ABCG2: variants seen among roughly 807,000 people sequenced by gnomAD.
The protein encoded by ABCG2 is ATP binding cassette subfamily G member 2 (JR blood group), also known as broad substrate specificity ATP-binding cassette transporter ABCG2.
A neutral mutation model predicts 73.5 loss-of-function variants in ABCG2; 80 were observed. The ratio of observed to expected loss-of-function variants is 1.09; its 90% CI spans 0.91 to 1.31. The LOEUF (loss-of-function observed/expected upper bound fraction) is 1.31. Ranked by LOEUF, ABCG2 falls within the 50% of genes most tolerant of loss-of-function variation. The pLI is 0.00. For synonymous variants in ABCG2, 269 were observed against 282.4 expected, an observed-to-expected ratio of 0.95 and a Z score of 0.48; for missense variants, 796 against 786.2, an observed-to-expected ratio of 1.01 and a Z score of -0.15.
intron 1 of ABCG2, among the ~76,000 whole-genome samples, chr4:88,167,348 T>G: frequency 6.6e-6 from 1 of 151,002 alleles, no homozygotes; most frequent in Middle Eastern, 3.5e-3. Flanking sequence ...TCTCAAACTT[T>G]GAACCCAACT....
intron 1 of ABCG2, among the ~76,000 whole-genome samples, chr4:88,221,230 C>A (rs1172594369): frequency 2.9e-5 from 4 of 140,258 alleles, no homozygotes; most frequent in Admixed American, 7.5e-5. Context: ...GATCATGCCA[C>A]TGCACTCCGG....
chr4:88,104,499 G>C (rs2109990173), intron 10 of ABCG2, among the ~76,000 whole-genome samples: 1 of 152,074 alleles, frequency 6.6e-6, no homozygotes, highest in South Asian at 2.1e-4. Context: ...AATGATACTG[G>C]GGTCAACGAG....
At chr4:88,127,324 C>T (rs893204604) in intron 5 of ABCG2, among the ~76,000 whole-genome samples, 4 of 152,220 alleles carry the variant, frequency 2.6e-5, no homozygotes, top group African/African-American at 4.8e-5. Context: ...GAATCAATAT[C>T]ATGAGAATGG....
Position 88,184,974 on chromosome 4 carries a change from G to T in ABCG2, c.-19-44960C>A, listed in dbSNP as rs368973431. 7.9e-5 allele frequency among the ~76,000 whole-genome samples: 12 copies of T among 152,160 alleles called. No individual in the cohort carries two copies. In the East Asian group the frequency reaches 1.7e-3, roughly 22 times the overall value. On this transcript the variant is annotated intron_variant, in intron 1 of 15. Coordinates refer to the ABCG2 transcript ENST00000515655. Reference sequence around the variant, plus strand: ...GAATATCTCTTCAATAAATGATGCTGGGAAAACTGGGTATCCATATTCAGA... The same window carrying T: ...GAATATCTCTTCAATAAATGATGCTTGGAAAACTGGGTATCCATATTCAGA...
At chr4:88,115,676 G>T (rs1244117207) in intron 7 of ABCG2, among the ~76,000 whole-genome samples, 1 of 150,500 alleles carries the variant, frequency 6.6e-6, no homozygotes, top group Admixed American at 6.7e-5. Flanking sequence ...CCTTGGATTT[G>T]CAGGGCATTT....
rs1723268771 is a variant in ABCG2 at position 88,113,318 on chromosome 4, C to T, written c.1179G>A (p.Gln393=). ...RSFKNLLGNP[Q]ASIAQIIVTV... ...TGCTGGTTACCTGAGCTATAGAGGCCTGGGGATTACCCAGCAAGTTTTTGA... is the reference window on the plus strand; with the variant it reads ...TGCTGGTTACCTGAGCTATAGAGGCTTGGGGATTACCCAGCAAGTTTTTGA... The change falls in exon 9 of 16, where the codon CAG becomes CAA. Residue 393 remains glutamine (Q), a synonymous_variant. Transcript: ENST00000237612. The T allele has an allele frequency of 1.9e-6, 3 of 1,614,074 alleles. No individual in the cohort carries two copies. The highest frequency in any genetic ancestry group is 2.5e-6 in the Non-Finnish European group (3 of 1,179,992).
intron 6 of ABCG2, among the ~76,000 whole-genome samples, chr4:88,121,336 T>C (rs1031383632): frequency 6.6e-6 from 1 of 152,182 alleles, no homozygotes; most frequent in Admixed American, 6.5e-5. Flanking sequence ...TTCAGTGTTA[T>C]AGAGCAGAGA....
chr4:88,226,091 C>T (rs1264377028), intron 1 of ABCG2, among the ~76,000 whole-genome samples: 2 of 152,298 alleles, frequency 1.3e-5, no homozygotes, highest in Middle Eastern at 3.4e-3. Context: ...CAAACCATAT[C>T]ACTTAGTTTA....
chr4:88,163,132 T>C (rs1401472702), upstream of ABCG2, among the ~76,000 whole-genome samples: 3 of 152,192 alleles, frequency 2.0e-5, no homozygotes, highest in African/African-American at 7.2e-5. Flanking sequence ...TCTATTTTCA[T>C]TACCACTCCA....
At chr4:88,143,579 A>T (rs1331237885) in intron 1 of ABCG2, among the ~76,000 whole-genome samples, 1 of 152,158 alleles carries the variant, frequency 6.6e-6, no homozygotes, top group Admixed American at 6.5e-5. Context: ...ATACAATCAC[A>T]ATCTTAGAAG....
intron 1 of ABCG2, among the ~76,000 whole-genome samples, chr4:88,225,882 G>T (rs1222956912): frequency 6.6e-6 from 1 of 152,190 alleles, no homozygotes; most frequent in Non-Finnish European, 1.5e-5. Context: ...CATGGTGACA[G>T]GGAAGACAGA....
chr4:88,145,094 T>C (rs1209476777), intron 1 of ABCG2, among the ~76,000 whole-genome samples: 1 of 149,190 alleles, frequency 6.7e-6, no homozygotes, highest in East Asian at 1.9e-4. Flanking sequence ...CTACTCTTCC[T>C]TTTTTTTTTC....
At chr4:88,204,401 C>G (rs1030589120) in intron 1 of ABCG2, among the ~76,000 whole-genome samples, 3 of 152,128 alleles carry the variant, frequency 2.0e-5, no homozygotes, top group Non-Finnish European at 4.4e-5. Context: ...AGCCTGGTGA[C>G]AGAGCAAGAC....
intron 12 of ABCG2, among the ~76,000 whole-genome samples, chr4:88,098,584 T>C (rs1355780820): frequency 6.7e-6 from 1 of 150,184 alleles, no homozygotes; most frequent in African/African-American, 2.5e-5. Flanking sequence ...TATTTAATCA[T>C]TCTATATATC....
chr4:88,199,671 C>T (rs1041354268), intron 1 of ABCG2, among the ~76,000 whole-genome samples: 6 of 152,194 alleles, frequency 3.9e-5, no homozygotes, highest in Admixed American at 2.6e-4. Flanking sequence ...GTTGTCAGTA[C>T]ATTTGTCTTG....
intron 1 of ABCG2, chr4:88,226,800 A>C (rs1730233257): frequency 6.6e-6 from 1 of 152,456 alleles, no homozygotes; most frequent in Non-Finnish European, 1.5e-5. Context: ...CAAGGATGAC[A>C]CGCAAATTCG....
Position 88,209,641 on chromosome 4 carries a change from A to G in ABCG2, c.-20+21353T>C, listed in dbSNP as rs536950782. ...CACTGCACTCCAGCCTGGCTGGGTG[A>G]GAGCAAGACTCTGTCTCAAAAAAAA... On this transcript the variant is annotated intron_variant, in intron 1 of 15. Coordinates refer to the ABCG2 transcript ENST00000515655. Among the ~76,000 whole-genome samples the G allele has an allele frequency of 4.7e-4, 71 of 152,258 alleles. No individual in the cohort carries two copies. The South Asian group carries it at 0.011, about 23-fold the overall frequency.
intron 1 of ABCG2, among the ~76,000 whole-genome samples, chr4:88,191,408 C>G (rs1431905708): frequency 6.6e-6 from 1 of 151,648 alleles, no homozygotes; most frequent in Non-Finnish European, 1.5e-5. Context: ...AATGAGATAC[C>G]ACTTCATACC....
chr4:88,137,980 C>T (rs1725368490), intron 2 of ABCG2, among the ~76,000 whole-genome samples: 1 of 151,968 alleles, frequency 6.6e-6, no homozygotes, highest in Non-Finnish European at 1.5e-5. Flanking sequence ...CGTAGGAAGA[C>T]CCCATCTCCA....
Sources: gnomAD v4.1 joint callset for allele counts (sites outside exome capture counted in the v4.1 genomes callset) on GRCh38, gnomAD v4.1.1 for gene constraint, MANE v1.5 for transcripts, NCBI Gene and HGNC (gene_info 2026-07-23, HGNC 2026-07-21) for gene names.